The following SCMH1 variants were observed in gnomAD, a reference collection of about 807,000 sequenced individuals.
The protein encoded by SCMH1 is Scm polycomb group protein homolog 1.
A neutral mutation model predicts 70.8 loss-of-function variants in SCMH1; 37 were observed. The ratio of observed to expected loss-of-function variants is 0.52; its 90% confidence interval spans 0.40 to 0.69. SCMH1 has a LOEUF of 0.69. SCMH1 is among the 30% of genes least tolerant of loss of function. The probability of loss-of-function intolerance (pLI) is 0.00; values close to 1 mark genes in which losing one functional copy is unlikely to be tolerated. For missense variants in SCMH1, 607 were observed against 827.3 expected (o/e 0.73, Z 3.27); for synonymous variants, 292 against 307.4 (o/e 0.95, Z 0.52).
intron 2 of SCMH1, among the ~76,000 whole-genome samples, chr1:41,183,958 C>A (rs1291883765): frequency 6.6e-6 from 1 of 152,054 alleles, no homozygotes; most frequent in African/African-American, 2.4e-5. Flanking sequence ...ATGAACTTAC[C>A]ATTTTTAATG....
chr1:41,170,188 G>A (rs570356081), intron 2 of SCMH1, among the ~76,000 whole-genome samples: 266 of 152,232 alleles, frequency 1.7e-3, no homozygotes, highest in Non-Finnish European at 2.5e-3. Flanking sequence ...AAAGACTTGC[G>A]TATGTCTAAT....
chr1:41,039,345 G>T (rs1489795846), intron 12 of SCMH1, among the ~76,000 whole-genome samples: 3 of 152,200 alleles, frequency 2.0e-5, no homozygotes, highest in African/African-American at 4.8e-5. Context: ...CTGATGGCAA[G>T]TCATGAAATC....
chr1:41,129,487 C>T (rs1283359008), intron 6 of SCMH1, among the ~76,000 whole-genome samples: 1 of 152,180 alleles, frequency 6.6e-6, no homozygotes, highest in African/African-American at 2.4e-5. Flanking sequence ...TTTCACTTAG[C>T]ATGTCGTCGA....
In SCMH1 at chr1:41,174,410, T is replaced by C. The variant is rs573211259; in HGVS notation, c.13+11711A>G. On this transcript the variant is annotated intron_variant, in intron 2 of 14. Transcript: ENST00000337495. Reference sequence around the variant, plus strand: ...GAGAAACTGAACTACTACTCCACAATGGAAGAATTGAAGAGTATGTCTACA... The same window carrying C: ...GAGAAACTGAACTACTACTCCACAACGGAAGAATTGAAGAGTATGTCTACA... Among the ~76,000 whole-genome samples, 58 of 152,184 alleles carry C rather than the reference T, an allele frequency of 3.8e-4. 1 individual carries two copies. Among genetic ancestry groups the C allele is most frequent in the Admixed American group, 1.5e-3 (23 of 15,274 alleles).
intron 8 of SCMH1, among the ~76,000 whole-genome samples, chr1:41,093,393 A>G (rs12123275): frequency 0.84 from 108,106 of 128,926 alleles, 45,818 homozygotes; most frequent in East Asian, 0.96. Flanking sequence ...AGGGGGGAGG[A>G]ATAGCATTAG....
chr1:41,190,867 T>C (rs1651549765), intron 1 of SCMH1, among the ~76,000 whole-genome samples: 2 of 152,090 alleles, frequency 1.3e-5, no homozygotes, highest in South Asian at 4.1e-4. Context: ...ATACCTAAGG[T>C]ATCTTTTAAG....
At chr1:41,132,388 T>G (rs182713527) in intron 6 of SCMH1, among the ~76,000 whole-genome samples, 15 of 152,340 alleles carry the variant, frequency 9.8e-5, no homozygotes, top group Non-Finnish European at 1.3e-4. Context: ...CACTTTTTGA[T>G]GGGATTGTTT....
intron 12 of SCMH1, among the ~76,000 whole-genome samples, chr1:41,038,736 C>A (rs543869487): frequency 6.6e-6 from 1 of 152,154 alleles, no homozygotes; most frequent in Non-Finnish European, 1.5e-5. Context: ...ATACCTAAGC[C>A]ATATCCCACC....
At chr1:41,036,849 T>G (rs1432883198) in intron 13 of SCMH1, among the ~76,000 whole-genome samples, 1 of 152,186 alleles carries the variant, frequency 6.6e-6, no homozygotes, top group Non-Finnish European at 1.5e-5. Context: ...CCAGCCCTGA[T>G]ATGGCCATTT....
At chr1:41,077,156 C>T (rs1326183909) in intron 8 of SCMH1, among the ~76,000 whole-genome samples, 1 of 152,122 alleles carries the variant, frequency 6.6e-6, no homozygotes, top group Non-Finnish European at 1.5e-5. Context: ...ATGAGGAAGA[C>T]ACCACAGAGC....
intron 8 of SCMH1, among the ~76,000 whole-genome samples, chr1:41,090,742 A>G (rs1312159264): frequency 6.6e-6 from 1 of 152,114 alleles, no homozygotes; most frequent in Non-Finnish European, 1.5e-5. Context: ...TAGTTTCTTT[A>G]AAAATGTTAG....
At chr1:41,183,732 T>C (rs1572902718) in intron 2 of SCMH1, among the ~76,000 whole-genome samples, 1 of 152,306 alleles carries the variant, frequency 6.6e-6, no homozygotes, top group East Asian at 1.9e-4. Context: ...AAAGTCAGTA[T>C]TTCAATGCAC....
chr1:41,087,031 C>T (rs1490721735), intron 8 of SCMH1, among the ~76,000 whole-genome samples: 1 of 152,046 alleles, frequency 6.6e-6, no homozygotes, highest in Non-Finnish European at 1.5e-5. Context: ...GGTACTGGTA[C>T]ACCAATGGAC....
chr1:41,089,789 T>C (rs187069838), intron 8 of SCMH1, among the ~76,000 whole-genome samples: 22 of 82,442 alleles, frequency 2.7e-4, no homozygotes, highest in Non-Finnish European at 3.1e-4. Context: ...TGTTGTCTCT[T>C]TTTTTTTTTT....
At chr1:41,088,959 C>T (rs1193140625) in intron 8 of SCMH1, among the ~76,000 whole-genome samples, 2 of 152,202 alleles carry the variant, frequency 1.3e-5, no homozygotes, top group Non-Finnish European at 2.9e-5. Context: ...TCTGTCTACA[C>T]TCTAGTCCTT....
At chr1:41,058,457 T>C (rs1651386908) in intron 10 of SCMH1, among the ~76,000 whole-genome samples, 1 of 132,820 alleles carries the variant, frequency 7.5e-6, no homozygotes, top group South Asian at 2.7e-4. Context: ...TTCGGCTCAC[T>C]GCAACCTCCG....
At chr1:41,212,764 T>C (rs2148807029) in intron 1 of SCMH1, among the ~76,000 whole-genome samples, 1 of 152,360 alleles carries the variant, frequency 6.6e-6, no homozygotes, top group Non-Finnish European at 1.5e-5. Context: ...ACAGAGCTTT[T>C]TAGCTGCAGT....
At chr1:41,195,422 T>C (rs1026140985) in intron 1 of SCMH1, among the ~76,000 whole-genome samples, 2 of 150,986 alleles carry the variant, frequency 1.3e-5, no homozygotes, top group Non-Finnish European at 2.9e-5. Context: ...CATATGAAAA[T>C]CAATTAACAT....
At chr1:41,064,741 C>T (rs1429050085) in intron 10 of SCMH1, among the ~76,000 whole-genome samples, 1 of 151,212 alleles carries the variant, frequency 6.6e-6, no homozygotes, top group Non-Finnish European at 1.5e-5. Context: ...GGCGAGAAAC[C>T]ATCTCTATAA....
Sources: gnomAD v4.1 joint callset for allele counts (sites outside exome capture counted in the v4.1 genomes callset) on GRCh38, gnomAD v4.1.1 for gene constraint, MANE v1.5 for transcripts, NCBI Gene and HGNC (gene_info 2026-07-23, HGNC 2026-07-21) for gene names.